The following PRR11 variants were observed in gnomAD, a reference collection of about 807,000 sequenced individuals.
PRR11 encodes proline rich 11.
Under a neutral mutation model 45.6 loss-of-function variants are expected in PRR11, and 30 were observed. The ratio of observed to expected loss-of-function variants is 0.66; its 90% CI spans 0.49 to 0.89. The LOEUF is 0.89. Among genes scored for constraint, PRR11 ranks in the 40% least tolerant of loss-of-function variants. The probability of loss-of-function intolerance (pLI) is 0.00; values close to 1 mark genes in which losing one functional copy is unlikely to be tolerated. For synonymous variants in PRR11, 128 were observed against 153.5 expected (o/e 0.83, Z 1.23); for missense variants, 373 against 424.8 (o/e 0.88, Z 1.07).
In PRR11 at chr17:59,205,758, C is replaced by T. The variant is rs895681743; in HGVS notation, c.*4127C>T. Among the ~76,000 whole-genome samples, 28 of 149,526 alleles carry T rather than the reference C, an allele frequency of 1.9e-4. No homozygotes were observed. The highest frequency in any genetic ancestry group is 2.2e-4 in the Non-Finnish European group (15 of 67,512). On this transcript the variant is annotated 3_prime_UTR_variant, in exon 10 of 10. Coordinates refer to ENST00000262293, the MANE Select transcript of PRR11 (RefSeq NM_018304.4). Reference sequence around the variant, plus strand: ...AATATATAAATTAAAAAATTATAGGCTTGGGGGCCAGGCACAGTGGCTCAC... The same window carrying T: ...AATATATAAATTAAAAAATTATAGGTTTGGGGGCCAGGCACAGTGGCTCAC...
At chr17:59,183,471 G>A (rs578224968) in intron 2 of PRR11, among the ~76,000 whole-genome samples, 4 of 152,284 alleles carry the variant, frequency 2.6e-5, no homozygotes, top group Non-Finnish European at 5.9e-5. Context: ...ACTCAATTTG[G>A]CAGAGCTTTT....
At chr17:59,157,690 A>C (rs528247597) in intron 1 of PRR11, among the ~76,000 whole-genome samples, 1 of 151,878 alleles carries the variant, frequency 6.6e-6, no homozygotes, top group East Asian at 1.9e-4. Flanking sequence ...TGACAGAGCG[A>C]GACTCTGTCC....
intron 7 of PRR11, 30 bp downstream of exon 7, chr17:59,195,473 T>C (rs200337394): frequency 9.4e-6 from 13 of 1,376,322 alleles, no homozygotes; most frequent in Non-Finnish European, 1.2e-5. Flanking sequence ...TATGCTCTAC[T>C]ACTACTTAAA....
chr17:59,185,497 T>G lies in PRR11; in HGVS notation c.337T>G (p.Tyr113Asp), dbSNP rs142167405. 1 of 1,612,380 alleles carries G rather than the reference T, an allele frequency of 6.2e-7. No homozygotes were observed. The highest frequency in any genetic ancestry group is 8.5e-7 in the Non-Finnish European group (1 of 1,179,232). ...FPSRICHREL[Y>D]SVKQQFCILE... is the part of the protein sequence containing the mutation. ...ATCTCGTATCTGCCACCGAGAACTT[T>G]ACAGTGTAAAACAACAGTTTTGCAT... Residue 113 changes from tyrosine to aspartate, a missense_variant, in exon 4 of 10, where the codon TAC becomes GAC. Tyr to Asp is a radical substitution (Grantham distance 160, BLOSUM62 -3). Transcript: ENST00000262293.
At chr17:59,190,068 C>T (rs2046834062) in intron 4 of PRR11, among the ~76,000 whole-genome samples, 1 of 152,168 alleles carries the variant, frequency 6.6e-6, no homozygotes, top group African/African-American at 2.4e-5. Context: ...TTCTCTCCTT[C>T]ACCTCTAGTG....
Position 59,194,789 on chromosome 17 carries a change from G to A in PRR11, c.678G>A (p.Gln226=), listed in dbSNP as rs549932099. The change falls in exon 6 of 10, where the codon CAG becomes CAA. Residue 226 remains glutamine, a synonymous_variant. Transcript: ENST00000262293. ...CATTAAAAAAAGATGGACCCATGCA[G>A]ATAACAGTTAAAGATCTGCTGACTG... ...AGPLKKDGPM[Q]ITVKDLLTVK... is the part of the protein sequence containing the mutation. 15 of 1,613,812 alleles carry A rather than the reference G, an allele frequency of 9.3e-6. No homozygotes were observed. The African/African-American group carries it at 1.6e-4, about 17-fold the overall frequency.
rs576840804 is a variant in PRR11 at position 59,188,491 on chromosome 17, A to G, written c.402+2929A>G. ...CGAAAACTTACAAAGAAAACTGTCA[A>G]AGAATATGGGATTAATTTAATACAT... On this transcript the variant is annotated intron_variant, in intron 4 of 9. Transcript: ENST00000262293. 5.3e-5 allele frequency among the ~76,000 whole-genome samples: 8 copies of G among 152,338 alleles called. No homozygotes were observed. The East Asian group carries it at 1.5e-3, about 29-fold the overall frequency.
At chr17:59,167,562 G>C (rs923681117) in intron 1 of PRR11, among the ~76,000 whole-genome samples, 1 of 152,178 alleles carries the variant, frequency 6.6e-6, no homozygotes, top group East Asian at 1.9e-4. Context: ...CTATTCCATA[G>C]GCAGAGCAGT....
At chr17:59,188,773 T>C (rs2046826243) in intron 4 of PRR11, among the ~76,000 whole-genome samples, 2 of 151,852 alleles carry the variant, frequency 1.3e-5, no homozygotes, top group South Asian at 4.1e-4. Flanking sequence ...ACCCCATCTC[T>C]ACTAAAAATA....
intron 2 of PRR11, among the ~76,000 whole-genome samples, chr17:59,171,531 A>G (rs1335790365): frequency 3.9e-5 from 6 of 152,152 alleles, no homozygotes; most frequent in Non-Finnish European, 7.4e-5. Context: ...AAAAAGGAAA[A>G]CAAAATTATA....
Position 59,181,977 on chromosome 17 carries a change from G to A in PRR11, c.129-3077G>A, listed in dbSNP as rs1187888424. On this transcript the variant is annotated intron_variant, in intron 2 of 9. Transcript: ENST00000262293. ...GAACACTTCTTCATGTCCTTCCCTG[G>A]TCCCTGGCTCTCTGAGTCCCTCCTT... Among the ~76,000 whole-genome samples the A allele has an allele frequency of 2.8e-3, 422 of 148,516 alleles. 9 individuals carry two copies. Among genetic ancestry groups the A allele is most frequent in the African/African-American group, 0.01 (406 of 39,244 alleles).
intron 7 of PRR11, among the ~76,000 whole-genome samples, chr17:59,196,756 T>C (rs1485147935): frequency 6.6e-6 from 1 of 152,198 alleles, no homozygotes; most frequent in African/African-American, 2.4e-5. Context: ...AGTTTTTCCC[T>C]AGGATGGATT....
At chr17:59,179,769 C>A (rs994165675) in intron 2 of PRR11, 5 of 1,381,876 alleles carry the variant, frequency 3.6e-6, no homozygotes, top group Non-Finnish European at 5.0e-6. Context: ...GGCTCAGGGG[C>A]GAGCTCCTTC....
At chr17:59,169,045 C>T (rs904871894) in intron 1 of PRR11, among the ~76,000 whole-genome samples, 4 of 151,692 alleles carry the variant, frequency 2.6e-5, no homozygotes, top group African/African-American at 9.7e-5. Context: ...ACCAATTCCA[C>T]CTGTCACAGT....
chr17:59,196,196 TTTAAG>T (rs2046865195), intron 7 of PRR11, among the ~76,000 whole-genome samples: 1 of 152,056 alleles, frequency 6.6e-6, no homozygotes, highest in Non-Finnish European at 1.5e-5. Flanking sequence ...AAAATGACAC[TTTAAG>T]TTAATTTTCA....
At chr17:59,161,964 T>A (rs920333005) in intron 1 of PRR11, among the ~76,000 whole-genome samples, 1 of 152,204 alleles carries the variant, frequency 6.6e-6, no homozygotes, top group African/African-American at 2.4e-5. Context: ...ATGCTTTTAA[T>A]TAAGTAATGA....
chr17:59,169,789 G>T lies in PRR11; in HGVS notation c.37G>T (p.Ala13Ser). Residue 13 changes from alanine (A) to serine (S), a missense_variant, in exon 2 of 10, where the codon GCC becomes TCC. Transcript: ENST00000262293. ...CAAACAACGAAGACGAAAGCTAAAA[G>T]CCAAAGCCGAAAGATTATTCAAAAA... The part of the protein sequence containing the change: ...KFKQRRRKLK[A>S]KAERLFKKKE... 1.2e-6 allele frequency: 2 copies of T among 1,606,788 alleles called. 1 individual carries two copies. The highest frequency in any genetic ancestry group is 2.2e-5 in the South Asian group (2 of 88,992).
intron 2 of PRR11, among the ~76,000 whole-genome samples, chr17:59,171,949 TTA>T (rs909826469): frequency 2.6e-5 from 4 of 151,054 alleles, no homozygotes; most frequent in South Asian, 2.1e-4. Context: ...AAAATTATCT[TTA>T]TATATATATA....
At chr17:59,188,663 G>T (rs1232878677) in intron 4 of PRR11, among the ~76,000 whole-genome samples, 1 of 152,068 alleles carries the variant, frequency 6.6e-6, no homozygotes, top group East Asian at 1.9e-4. Flanking sequence ...TAATGGCCAG[G>T]CGTGGTGGCT....
Sources: allele counts gnomAD v4.1 joint callset (sites outside exome capture counted in the v4.1 genomes callset), GRCh38; gene constraint gnomAD v4.1.1; transcripts MANE v1.5; gene names NCBI Gene and HGNC (gene_info 2026-07-23, HGNC 2026-07-21).